ARHGEF3: variants seen among roughly 807,000 people sequenced by gnomAD.
ARHGEF3 encodes Rho guanine nucleotide exchange factor 3.
A neutral mutation model predicts 63.2 loss-of-function variants in ARHGEF3; 28 were observed. The observed-to-expected ratio is 0.44, with a 90% CI of 0.33 to 0.61. The LOEUF is 0.61. Ranked by LOEUF, ARHGEF3 falls within the 20% of genes least tolerant of loss-of-function variation. ARHGEF3 has a pLI of 0.03. For synonymous variants in ARHGEF3, 266 were observed against 254.2 expected, an observed-to-expected ratio of 1.05 and a Z score of -0.44; for missense variants, 533 against 659.3, an observed-to-expected ratio of 0.81 and a Z score of 2.10.
rs540717847 is a variant in ARHGEF3, at chr3:56,778,983, T to C, written c.97-5167A>G. ...TGCTGACCAGTCATGTCCTGGTCAG[T>C]GGTCCTCAGCCTCAGCTTTTTTACT... On this transcript the variant is annotated intron_variant, in intron 1 of 9. Coordinates refer to ENST00000296315, the MANE Select transcript of ARHGEF3 (RefSeq NM_019555.3). 4.5e-3 allele frequency among the ~76,000 whole-genome samples: 679 copies of C among 152,258 alleles called. 6 individuals carry two copies. The highest frequency in any genetic ancestry group is 0.016 in the African/African-American group (655 of 41,540).
intron 4 of ARHGEF3, among the ~76,000 whole-genome samples, chr3:56,863,144 T>C (rs1481644466): frequency 7.3e-6 from 1 of 137,546 alleles, no homozygotes; most frequent in African/African-American, 2.8e-5. Context: ...TACCTTTTTC[T>C]TTTTTTTTTT....
intron 3 of ARHGEF3, among the ~76,000 whole-genome samples, chr3:56,924,648 C>T (rs1341884653): frequency 6.6e-6 from 1 of 152,208 alleles, no homozygotes; most frequent in Non-Finnish European, 1.5e-5. Flanking sequence ...GTTGCCAAGG[C>T]GTTTGTAAAC....
At chr3:57,048,138 C>T (rs1192359327) in intron 1 of ARHGEF3, among the ~76,000 whole-genome samples, 3 of 152,174 alleles carry the variant, frequency 2.0e-5, no homozygotes, top group Non-Finnish European at 2.9e-5. Context: ...AGCACCACCA[C>T]CACCCCGCCC....
intron 2 of ARHGEF3, among the ~76,000 whole-genome samples, chr3:56,963,638 CCT>C (rs1338505929): frequency 1.3e-5 from 2 of 152,256 alleles, no homozygotes; most frequent in East Asian, 3.9e-4. Context: ...TCTCGTTTTA[CCT>C]CTCTTTATCC....
intron 2 of ARHGEF3, among the ~76,000 whole-genome samples, chr3:56,755,754 A>G (rs1439827441): frequency 6.6e-6 from 1 of 152,176 alleles, no homozygotes; most frequent in African/African-American, 2.4e-5. Context: ...TGAGTTCAAG[A>G]GAGAACACAA....
At chr3:56,773,267 A>G (rs931003938) in intron 2 of ARHGEF3, among the ~76,000 whole-genome samples, 1 of 152,142 alleles carries the variant, frequency 6.6e-6, no homozygotes, top group Non-Finnish European at 1.5e-5. Context: ...AGAATTTTAA[A>G]AAGTAAAAAT....
At position 56,827,628 on chromosome 3, in the gene ARHGEF3, A is replaced by G. The variant is rs1467400096; in HGVS notation, c.193-53812T>C. On this transcript the variant is annotated intron_variant, in intron 4 of 12. Transcript: ENST00000338458. ...GCAGACATTTGAAAATTAAGAGCGTACCCTGGCCAGGTATGGTGACTCACA... is the reference window on the plus strand; with the variant it reads ...GCAGACATTTGAAAATTAAGAGCGTGCCCTGGCCAGGTATGGTGACTCACA... 1.1e-4 allele frequency among the ~76,000 whole-genome samples: 17 copies of G among 151,690 alleles called. No homozygotes were observed. The Admixed American group carries it at 1.1e-3, about 10-fold the overall frequency.
chr3:57,025,663 A>G (rs529714421), intron 2 of ARHGEF3, among the ~76,000 whole-genome samples: 6 of 152,286 alleles, frequency 3.9e-5, no homozygotes, highest in Admixed American at 3.9e-4. Flanking sequence ...CCAGCCATTC[A>G]GGGCTCCTTT....
At chr3:56,932,983 T>C (rs1339069261) in intron 3 of ARHGEF3, among the ~76,000 whole-genome samples, 3 of 152,242 alleles carry the variant, frequency 2.0e-5, no homozygotes, top group Non-Finnish European at 2.9e-5. Flanking sequence ...AGTCATTTGT[T>C]GCATATTCTC....
At position 56,966,059 on chromosome 3, in the gene ARHGEF3, T is replaced by C. The variant is rs556711211; in HGVS notation, c.63-7170A>G. Among the ~76,000 whole-genome samples, 14 of 152,272 alleles carry C rather than the reference T, an allele frequency of 9.2e-5. No homozygotes were observed. The South Asian group carries it at 2.5e-3, about 27-fold the overall frequency. On this transcript the variant is annotated intron_variant, in intron 2 of 12. Coordinates refer to the ARHGEF3 transcript ENST00000338458. ...TATAGGAGATATACATGATATGATA[T>C]GATATATTATTTAGAAACACACAAA...
chr3:57,010,181 G>A (rs894715527), intron 2 of ARHGEF3, among the ~76,000 whole-genome samples: 30 of 152,152 alleles, frequency 2.0e-4, no homozygotes, highest in African/African-American at 4.8e-4. Flanking sequence ...TGGGCCGGGC[G>A]TGGTGGCTCA....
intron 1 of ARHGEF3, among the ~76,000 whole-genome samples, chr3:57,064,195 G>T (rs754844232): frequency 6.6e-6 from 1 of 152,182 alleles, no homozygotes; most frequent in Non-Finnish European, 1.5e-5. Context: ...CTTGAGCCTG[G>T]GGGGTAGAGG....
intron 2 of ARHGEF3, among the ~76,000 whole-genome samples, chr3:57,005,528 C>T (rs1343490665): frequency 6.6e-6 from 1 of 152,158 alleles, no homozygotes; most frequent in Non-Finnish European, 1.5e-5. Context: ...GGGGCAATCT[C>T]AACATGAATC....
intron 2 of ARHGEF3, chr3:56,960,928 C>G (rs909478084): frequency 9.2e-5 from 14 of 152,186 alleles, no homozygotes; most frequent in African/African-American, 3.4e-4. Flanking sequence ...CTTTGCTTTC[C>G]TAACTATTTG....
intron 1 of ARHGEF3, among the ~76,000 whole-genome samples, chr3:57,075,983 A>T (rs953163920): frequency 8.5e-5 from 13 of 152,236 alleles, no homozygotes; most frequent in Admixed American, 2.6e-4. Context: ...GATTAGAATT[A>T]TATATTAAAA....
intron 2 of ARHGEF3, among the ~76,000 whole-genome samples, chr3:56,981,876 A>G (rs1254844620): frequency 1.3e-5 from 2 of 152,194 alleles, no homozygotes; most frequent in African/African-American, 4.8e-5. Context: ...TCTTCTGCTA[A>G]CAGCACCCAG....
At chr3:56,819,869 GCA>G (rs2038410358) in intron 4 of ARHGEF3, among the ~76,000 whole-genome samples, 1 of 150,928 alleles carries the variant, frequency 6.6e-6, no homozygotes, top group Non-Finnish European at 1.5e-5. Context: ...GAGGTCAGTG[GCA>G]CAGTTGTGGC....
At chr3:56,860,984 T>C (rs1020102738) in intron 4 of ARHGEF3, among the ~76,000 whole-genome samples, 1 of 152,048 alleles carries the variant, frequency 6.6e-6, no homozygotes, top group African/African-American at 2.4e-5. Context: ...GAAAAGGCAA[T>C]GCGGCAGAAA....
intron 1 of ARHGEF3, among the ~76,000 whole-genome samples, chr3:57,056,046 A>G (rs1428493723): frequency 4.6e-5 from 7 of 152,040 alleles, no homozygotes. Flanking sequence ...GAGCAGACAT[A>G]GCCCCTACTG....
Sources: gnomAD v4.1 joint callset for allele counts (sites outside exome capture counted in the v4.1 genomes callset) on GRCh38, gnomAD v4.1.1 for gene constraint, MANE v1.5 for transcripts, NCBI Gene and HGNC (gene_info 2026-07-23, HGNC 2026-07-21) for gene names.